The following MAD1L1 variants were observed in gnomAD, a reference collection of about 807,000 sequenced individuals.
MAD1L1 encodes mitotic arrest deficient 1 like 1.
Under a neutral mutation model 96.9 loss-of-function variants are expected in MAD1L1, and 95 were observed. The ratio of observed to expected loss-of-function variants is 0.98; its 90% CI spans 0.83 to 1.16. The LOEUF (loss-of-function observed/expected upper bound fraction) is 1.16. Ranked by LOEUF, MAD1L1 falls within the 50% of genes most tolerant of loss-of-function variation. MAD1L1 has a pLI of 0.00. For synonymous variants in MAD1L1, 473 were observed against 396.6 expected (o/e 1.19, Z -2.29); for missense variants, 1,007 against 954.4 (o/e 1.06, Z -0.73).
At chr7:2,066,179 T>A (rs1237808032) in intron 12 of MAD1L1, among the ~76,000 whole-genome samples, 1 of 152,104 alleles carries the variant, frequency 6.6e-6, no homozygotes, top group Non-Finnish European at 1.5e-5. Flanking sequence ...GAGCCTCCAA[T>A]GGGAAGCAGA....
At chr7:1,947,135 A>G (rs7804387) in intron 16 of MAD1L1, among the ~76,000 whole-genome samples, 131,440 of 152,254 alleles carry the variant, frequency 0.86, 57,972 homozygotes, top group Non-Finnish European at 0.96. Context: ...GGAGCAGAGG[A>G]CAGGAAAGCC....
chr7:2,004,257 C>T (rs1781930758), intron 13 of MAD1L1, among the ~76,000 whole-genome samples: 1 of 152,188 alleles, frequency 6.6e-6, no homozygotes, highest in South Asian at 2.1e-4. Flanking sequence ...CTGCCCGCAC[C>T]CCTGGCAAAG....
intron 18 of MAD1L1, among the ~76,000 whole-genome samples, chr7:1,824,149 C>T (rs541515260): frequency 1.3e-5 from 2 of 152,278 alleles, no homozygotes; most frequent in South Asian, 2.1e-4. Flanking sequence ...CACCAGCACA[C>T]ACCCTCAACA....
chr7:1,973,001 C>T (rs1405347854), intron 15 of MAD1L1, among the ~76,000 whole-genome samples: 1 of 152,212 alleles, frequency 6.6e-6, no homozygotes, highest in East Asian at 1.9e-4. Context: ...GGGTTCATTA[C>T]ACTCAGAGCA....
intron 18 of MAD1L1, among the ~76,000 whole-genome samples, chr7:1,896,196 C>T (rs1305981847): frequency 6.6e-6 from 1 of 152,220 alleles, no homozygotes; most frequent in Non-Finnish European, 1.5e-5. Context: ...TGAGAGGGCT[C>T]CAAGGCGGAA....
At chr7:1,904,301 G>A (rs1787477717) in intron 17 of MAD1L1, among the ~76,000 whole-genome samples, 3 of 146,518 alleles carry the variant, frequency 2.0e-5, no homozygotes, top group East Asian at 2.1e-4. Flanking sequence ...TATGGAAGAC[G>A]CTCTTGCGGA....
intron 11 of MAD1L1, among the ~76,000 whole-genome samples, chr7:2,095,892 G>A: frequency 6.6e-6 from 1 of 152,376 alleles, no homozygotes. Context: ...GGTGCCTGAA[G>A]GAGAGAGGCG....
intron 12 of MAD1L1, among the ~76,000 whole-genome samples, chr7:2,026,235 C>T (rs1310445864): frequency 6.6e-6 from 1 of 152,078 alleles, no homozygotes; most frequent in Non-Finnish European, 1.5e-5. Flanking sequence ...AAGAATGTCT[C>T]ATAATAACAA....
intron 10 of MAD1L1, among the ~76,000 whole-genome samples, chr7:2,192,761 T>G (rs1330694121): frequency 2.0e-5 from 3 of 152,162 alleles, no homozygotes; most frequent in Non-Finnish European, 4.4e-5. Flanking sequence ...ATTAATAAAT[T>G]TATACCAAGT....
At chr7:1,910,472 C>T (rs1787944150) in intron 17 of MAD1L1, among the ~76,000 whole-genome samples, 1 of 152,210 alleles carries the variant, frequency 6.6e-6, no homozygotes, top group South Asian at 2.1e-4. Context: ...GTTGAGGGGA[C>T]CCCTTGAACA....
chr7:2,149,174 T>C lies in MAD1L1; in HGVS notation c.1051A>G (p.Lys351Glu). 1 of 1,614,098 alleles carries C rather than the reference T, an allele frequency of 6.2e-7. No homozygotes were observed. The change falls in exon 11 of 19, where the codon AAG becomes GAG. Residue 351 changes from lysine to glutamate, a missense_variant. By Grantham distance (56) the Lys-to-Glu change is moderately conservative. Transcript: ENST00000265854. ...LQQRELALKD[K>E]NSAVTSSARG... Reference sequence around the variant, plus strand: ...TACCTGCTGGTGACGGCGCTGTTCTTGTCCTTCAAGGCAAGCTCCCTCTGC... The same window carrying C: ...TACCTGCTGGTGACGGCGCTGTTCTCGTCCTTCAAGGCAAGCTCCCTCTGC...
intron 18 of MAD1L1, among the ~76,000 whole-genome samples, chr7:1,870,625 ATGC>A: frequency 6.9e-6 from 1 of 145,960 alleles, no homozygotes; most frequent in Non-Finnish European, 1.5e-5. Context: ...AACCCAACAT[ATGC>A]CTGCCACGCT....
At chr7:2,148,128 C>T (rs1455691654) in intron 11 of MAD1L1, among the ~76,000 whole-genome samples, 3 of 152,242 alleles carry the variant, frequency 2.0e-5, no homozygotes, top group African/African-American at 7.2e-5. Flanking sequence ...ATGTCCAACA[C>T]AACCAGATGC....
At chr7:2,175,979 C>A (rs1338669931) in intron 10 of MAD1L1, among the ~76,000 whole-genome samples, 2 of 152,158 alleles carry the variant, frequency 1.3e-5, no homozygotes, top group Admixed American at 1.3e-4. Flanking sequence ...GCACAAATAA[C>A]CAAAATCAGG....
At chr7:1,954,055 G>A (rs1159784402) in intron 16 of MAD1L1, among the ~76,000 whole-genome samples, 6 of 152,110 alleles carry the variant, frequency 3.9e-5, no homozygotes, top group East Asian at 1.9e-4. Context: ...TGTGAGCCCC[G>A]ACCAGCCTCA....
chr7:2,127,745 C>T (rs1788301265), intron 11 of MAD1L1, among the ~76,000 whole-genome samples: 1 of 152,184 alleles, frequency 6.6e-6, no homozygotes, highest in South Asian at 2.1e-4. Flanking sequence ...AAGACCCCTG[C>T]ACTCCGGGAA....
chr7:1,932,435 T>A (rs1214723985), intron 17 of MAD1L1, among the ~76,000 whole-genome samples: 1 of 152,218 alleles, frequency 6.6e-6, no homozygotes, highest in African/African-American at 2.4e-5. Context: ...TGCGGGGCCG[T>A]CAAGTTTTTA....
chr7:2,071,042 T>C (rs1785101081), intron 11 of MAD1L1, among the ~76,000 whole-genome samples: 1 of 151,252 alleles, frequency 6.6e-6, no homozygotes. Flanking sequence ...GGAGGTGGTT[T>C]GGGGAAGGGA....
intron 11 of MAD1L1, among the ~76,000 whole-genome samples, chr7:2,091,400 C>T (rs567708253): frequency 1.3e-3 from 202 of 152,362 alleles, no homozygotes; most frequent in Non-Finnish European, 2.2e-3. Flanking sequence ...CCTTCTGAAT[C>T]TGTCTACTTG....
Sources: allele counts gnomAD v4.1 joint callset (sites outside exome capture counted in the v4.1 genomes callset), GRCh38; gene constraint gnomAD v4.1.1; transcripts MANE v1.5; gene names NCBI Gene and HGNC (gene_info 2026-07-23, HGNC 2026-07-21).